The following IL34 variants were observed in gnomAD, a reference collection of about 807,000 sequenced individuals.
IL34 encodes interleukin 34, also known as interleukin-34.
Under a neutral mutation model 25.3 loss-of-function variants are expected in IL34, and 17 were observed. That is an observed-to-expected ratio of 0.67 (90% CI 0.46 to 1.01). The LOEUF is 1.01. Ranked by LOEUF, IL34 falls within the 50% of genes least tolerant of loss-of-function variation. The pLI is 0.00. For missense variants in IL34, 368 were observed against 312.9 expected (o/e 1.18, Z -1.33); for synonymous variants, 174 against 140.9 (o/e 1.23, Z -1.66).
intron 1 of IL34, among the ~76,000 whole-genome samples, chr16:70,592,857 G>A (rs1015320051): frequency 4.6e-5 from 7 of 152,244 alleles, no homozygotes; most frequent in Admixed American, 2.0e-4. Context: ...GTTTCAGCAT[G>A]TTGGTCAGGC....
intron 1 of IL34, among the ~76,000 whole-genome samples, chr16:70,635,317 C>A (rs534993933): frequency 6.6e-6 from 1 of 152,326 alleles, no homozygotes; most frequent in South Asian, 2.1e-4. Flanking sequence ...GCAGAGGTTT[C>A]CATCACAGAG....
chr16:70,643,506 G>A (rs1321827182), upstream of IL34, among the ~76,000 whole-genome samples: 1 of 152,178 alleles, frequency 6.6e-6, no homozygotes, highest in Non-Finnish European at 1.5e-5. Context: ...AAGTAGCTGG[G>A]ACCACAGGCC....
chr16:70,629,728 T>A (rs1196128332), intron 1 of IL34, among the ~76,000 whole-genome samples: 3 of 152,112 alleles, frequency 2.0e-5, no homozygotes, highest in Non-Finnish European at 4.4e-5. Flanking sequence ...TTGAAATGTT[T>A]GTGCGTACAT....
chr16:70,654,782 A>C lies in IL34; in HGVS notation c.162+111A>C, dbSNP rs368272330. On this transcript the variant is annotated intron_variant, in intron 2 of 5. Transcript: ENST00000288098. ...TAGGACCTGTGTCAGCCCTGAGCCG[A>C]CCATGGCCTGTTTCTCTGCCTTTCT... The C allele has an allele frequency of 1.2e-5, 16 of 1,346,182 alleles. 1 individual carries two copies. The Middle Eastern group carries it at 2.1e-3, about 176-fold the overall frequency. The allele number at this position is 1,346,182 out of a possible 1,614,324, so 83.4% of individuals were successfully genotyped here. A position where few individuals can be genotyped will look rare whatever the true frequency, so the allele number is the denominator to read the frequency against.
intron 1 of IL34, among the ~76,000 whole-genome samples, chr16:70,631,294 C>T (rs1219909702): frequency 1.3e-5 from 2 of 152,132 alleles, no homozygotes; most frequent in African/African-American, 4.8e-5. Flanking sequence ...TACCCATAGG[C>T]CTAAGTCTCC....
intron 1 of IL34, among the ~76,000 whole-genome samples, chr16:70,613,934 T>C (rs1959482933): frequency 6.6e-6 from 1 of 151,518 alleles, no homozygotes; most frequent in Admixed American, 6.6e-5. Flanking sequence ...ACCCCTGTAA[T>C]CCCAGTGCTC....
chr16:70,657,750 G>A (rs906842504), intron 4 of IL34, among the ~76,000 whole-genome samples: 3 of 152,118 alleles, frequency 2.0e-5, no homozygotes, highest in Admixed American at 2.0e-4. Context: ...ACTCCAGCTT[G>A]GGCAACAAGA....
intron 1 of IL34, among the ~76,000 whole-genome samples, chr16:70,639,914 C>T (rs536706078): frequency 3.9e-5 from 6 of 151,938 alleles, no homozygotes; most frequent in Admixed American, 2.6e-4. Context: ...CCTGTGATTA[C>T]GCCTCTGCAC....
At chr16:70,589,096 C>T (rs1194285481) in intron 1 of IL34, among the ~76,000 whole-genome samples, 1 of 152,030 alleles carries the variant, frequency 6.6e-6, no homozygotes, top group Non-Finnish European at 1.5e-5. Context: ...ACTCAGGAGG[C>T]TGAGGCAGGA....
chr16:70,622,551 T>A (rs2051304793), intron 1 of IL34, among the ~76,000 whole-genome samples: 1 of 151,936 alleles, frequency 6.6e-6, no homozygotes, highest in Admixed American at 6.6e-5. Context: ...CTGCCATCAA[T>A]AAATCAAGCG....
rs200526035 is a variant in IL34 at position 70,600,916 on chromosome 16, A to G, written c.-401+20867A>G. 3.6e-3 allele frequency among the ~76,000 whole-genome samples: 437 copies of G among 121,980 alleles called. 2 individuals are homozygous for G. The highest frequency in any genetic ancestry group is 0.019 in the African/African-American group (404 of 21,522). The allele number at this position is 121,980 out of a possible 152,430, so 80.0% of individuals were successfully genotyped here. ...AGTAGGAGATGCTGGGAGAAATGAG[A>G]AGATGCTGGCAGAAGCAGGGCTGCT... On this transcript the variant is annotated intron_variant, in intron 1 of 6. Coordinates refer to the IL34 transcript ENST00000429149.
At chr16:70,580,405 C>G (rs762221350) in intron 1 of IL34, among the ~76,000 whole-genome samples, 5 of 152,236 alleles carry the variant, frequency 3.3e-5, no homozygotes, top group Non-Finnish European at 5.9e-5. Context: ...GGGCGCTGCT[C>G]CACTATATAT....
rs573301834 is a variant in IL34, at chr16:70,659,240, C to T, written c.403-378C>T. On this transcript the variant is annotated intron_variant, in intron 4 of 5. Coordinates refer to ENST00000288098, the MANE Select transcript of IL34 (RefSeq NM_001393494.1). ...GTCTCTGTGAGGACCTTCTCTTGTT[C>T]CTTGGAGTTGATGGAGATGTCTGCT... Among the ~76,000 whole-genome samples the T allele has an allele frequency of 1.1e-3, 164 of 152,288 alleles. 1 individual carries two copies. The highest frequency in any genetic ancestry group is 1.5e-3 in the Non-Finnish European group (105 of 68,032).
chr16:70,603,684 T>A (rs991869149), intron 1 of IL34, among the ~76,000 whole-genome samples: 4 of 152,200 alleles, frequency 2.6e-5, no homozygotes, highest in Non-Finnish European at 5.9e-5. Flanking sequence ...ATGATGATTC[T>A]CCCACCTCAG....
At position 70,646,916 on chromosome 16, in the gene IL34, C is replaced by T; in HGVS notation, c.-32C>T. Reference sequence around the variant, plus strand: ...TGTGGACACACTGCTGGGGACGGCGCCTGAGCTCTCAGGGGGACGAGGAAC... The same window carrying T: ...TGTGGACACACTGCTGGGGACGGCGTCTGAGCTCTCAGGGGGACGAGGAAC... On this transcript the variant is annotated 5_prime_UTR_variant, in exon 1 of 6. Transcript: ENST00000288098. 7 of 1,481,020 alleles carry T rather than the reference C, an allele frequency of 4.7e-6. No individual in the cohort carries two copies. The highest frequency in any genetic ancestry group is 6.2e-6 in the Non-Finnish European group (7 of 1,120,682). The allele number at this position is 1,481,020 out of a possible 1,614,324, so 91.7% of individuals were successfully genotyped here.
At chr16:70,622,892 T>C (rs561873223) in intron 1 of IL34, among the ~76,000 whole-genome samples, 2 of 152,022 alleles carry the variant, frequency 1.3e-5, no homozygotes, top group Non-Finnish European at 2.9e-5. Context: ...TATGCAGACA[T>C]GAGGGCTAGG....
chr16:70,610,330 T>C (rs1235866607), intron 1 of IL34, among the ~76,000 whole-genome samples: 1 of 152,198 alleles, frequency 6.6e-6, no homozygotes, highest in African/African-American at 2.4e-5. Context: ...CATCCTAGTC[T>C]TGTGCCTGTT....
rs12596851 is a variant in IL34, at chr16:70,622,064, G to A, written c.-400-24484G>A. ...TGGCTTGGGCTCAGAGGCCTGACAG[G>A]TTTCACTGAATACTAAGAGCCTGAA... On this transcript the variant is annotated intron_variant, in intron 1 of 6. Coordinates refer to the IL34 transcript ENST00000429149. Among the ~76,000 whole-genome samples, 16 of 151,666 alleles carry A rather than the reference G, an allele frequency of 1.1e-4. No homozygotes were observed. The Middle Eastern group carries it at 0.01, about 97-fold the overall frequency.
intron 1 of IL34, among the ~76,000 whole-genome samples, chr16:70,612,729 C>T (rs193281563): frequency 0.025 from 3,186 of 126,738 alleles, 58 homozygotes; most frequent in Non-Finnish European, 0.033. Flanking sequence ...AGGGATTCCT[C>T]AGCTTCCCCA....
Sources: gnomAD v4.1 joint callset for allele counts (sites outside exome capture counted in the v4.1 genomes callset) on GRCh38, gnomAD v4.1.1 for gene constraint, MANE v1.5 for transcripts, NCBI Gene and HGNC (gene_info 2026-07-23, HGNC 2026-07-21) for gene names.